The following CSMD3 variants were observed in gnomAD, a reference collection of about 807,000 sequenced individuals.
CSMD3 encodes CUB and sushi domain-containing protein 3.
Under a neutral mutation model 435.2 loss-of-function variants are expected in CSMD3, and 177 were observed. The ratio of observed to expected loss-of-function variants is 0.41; its 90% CI spans 0.36 to 0.46. The LOEUF is 0.46. Among genes scored for constraint, CSMD3 ranks in the 20% least tolerant of loss-of-function variants. CSMD3 has a pLI of 0.34. For missense variants in CSMD3, 4,265 were observed against 4,504.6 expected (o/e 0.95, Z 1.52); for synonymous variants, 1,656 against 1,520.5 (o/e 1.09, Z -2.07).
intron 14 of CSMD3, among the ~76,000 whole-genome samples, chr8:112,686,311 A>C (rs2076009364): frequency 6.6e-6 from 1 of 152,200 alleles, no homozygotes; most frequent in African/African-American, 2.4e-5. Flanking sequence ...CATCACACTA[A>C]AATGAAGTCT....
rs11774848 is a variant in CSMD3 at position 112,672,524 on chromosome 8, C to A, written c.2678-6109G>T. Among the ~76,000 whole-genome samples, 41 of 152,094 alleles carry A rather than the reference C, an allele frequency of 2.7e-4. No homozygotes were observed. The East Asian group carries it at 6.2e-3, about 23-fold the overall frequency. ...AAGACCCCCACCTGATCCCTCAGGT[C>A]CTTTTATTGGTTAGGTATGTGGACC... On this transcript the variant is annotated intron_variant, in intron 16 of 70. Transcript: ENST00000297405.
intron 59 of CSMD3, among the ~76,000 whole-genome samples, chr8:112,277,663 A>T (rs903231806): frequency 3.9e-5 from 6 of 152,190 alleles, no homozygotes; most frequent in Non-Finnish European, 5.9e-5. Context: ...TGAAAAAGAC[A>T]TACCCAAGAC....
chr8:112,472,707 G>A lies in CSMD3; in HGVS notation c.5279C>T (p.Ala1760Val), dbSNP rs761014904. ...GWNRALPSCH[A>V]PCGSRSTGSE... ...ACCTGTTGAACGACTTCCACAGGGC[G>A]CTAGGAAAAAATGGCAAAAATATCA... is the stretch of plus-strand genomic sequence containing the variant. The change falls in exon 32 of 71, where the codon GCG becomes GTG. Residue 1760 changes from alanine to valine, a missense_variant and splice_region_variant. Physicochemically the swap from Ala to Val is moderately conservative, Grantham distance 64. Coordinates refer to ENST00000297405, the MANE Select transcript of CSMD3 (RefSeq NM_198123.2). The A allele has an allele frequency of 8.9e-6, 14 of 1,579,130 alleles. No homozygotes were observed. The highest frequency in any genetic ancestry group is 5.0e-5 in the Admixed American group (3 of 59,858).
In CSMD3 at chr8:112,644,407, T is replaced by C. The variant is rs1385336481; in HGVS notation, c.3310+702A>G. 2.6e-5 allele frequency among the ~76,000 whole-genome samples: 4 copies of C among 152,014 alleles called. No homozygotes were observed. The South Asian group carries it at 8.3e-4, about 31-fold the overall frequency. On this transcript the variant is annotated intron_variant, in intron 20 of 70. Transcript: ENST00000297405. ...CAAAATTGTTTGTTATAGATTCCTA[T>C]AGGGATACATGTCATTCTTTACAGA...
At chr8:112,344,870 TA>T (rs1464556121) in intron 41 of CSMD3, among the ~76,000 whole-genome samples, 2 of 152,126 alleles carry the variant, frequency 1.3e-5, no homozygotes, top group African/African-American at 4.8e-5. Context: ...TACTACTTTT[TA>T]AAAATAAAAT....
intron 11 of CSMD3, among the ~76,000 whole-genome samples, chr8:112,832,823 T>G (rs573437945): frequency 6.6e-6 from 1 of 152,304 alleles, no homozygotes; most frequent in South Asian, 2.1e-4. Context: ...TTTGGGTAAT[T>G]TTTTACACAG....
chr8:113,347,410 T>C (rs1435459695), intron 1 of CSMD3, among the ~76,000 whole-genome samples: 2 of 152,164 alleles, frequency 1.3e-5, no homozygotes, highest in Admixed American at 1.3e-4. Context: ...AATAATACAT[T>C]GAAAGGCGTG....
chr8:112,538,166 C>T (rs996084480), intron 27 of CSMD3, among the ~76,000 whole-genome samples: 1 of 151,980 alleles, frequency 6.6e-6, no homozygotes, highest in African/African-American at 2.4e-5. Context: ...TAACAACTCT[C>T]AACAAACTGG....
chr8:112,530,315 CAAATA>C (rs1825398746), intron 27 of CSMD3, among the ~76,000 whole-genome samples: 1 of 151,960 alleles, frequency 6.6e-6, no homozygotes, highest in African/African-American at 2.4e-5. Flanking sequence ...CAAAGAACAC[CAAATA>C]AGAGTAACCT....
intron 7 of CSMD3, among the ~76,000 whole-genome samples, chr8:112,955,377 TTAC>T (rs1421957018): frequency 6.6e-6 from 1 of 151,736 alleles, no homozygotes; most frequent in Non-Finnish European, 1.5e-5. Flanking sequence ...CTAAAATATC[TTAC>T]TACAATTTTT....
chr8:113,122,677 C>T (rs138957825), intron 4 of CSMD3, among the ~76,000 whole-genome samples: 2 of 151,960 alleles, frequency 1.3e-5, no homozygotes, highest in African/African-American at 4.8e-5. Context: ...GAGGCAGCCT[C>T]CAGATGCTGG....
At chr8:112,785,578 T>C (rs1410812355) in intron 13 of CSMD3, among the ~76,000 whole-genome samples, 2 of 151,932 alleles carry the variant, frequency 1.3e-5, no homozygotes, top group East Asian at 1.9e-4. Context: ...GATAATAAAA[T>C]CAACAGGCAA....
At chr8:112,966,882 C>A (rs2084437223) in intron 7 of CSMD3, among the ~76,000 whole-genome samples, 2 of 151,858 alleles carry the variant, frequency 1.3e-5, no homozygotes, top group Admixed American at 1.3e-4. Context: ...TTAGTTTTTA[C>A]TATATTATCC....
intron 13 of CSMD3, among the ~76,000 whole-genome samples, chr8:112,755,476 C>G (rs1323962822): frequency 6.6e-6 from 1 of 151,556 alleles, no homozygotes. Context: ...CTTCTCCTTG[C>G]TGCCGCCATT....
chr8:113,008,026 C>A (rs1030524453), intron 6 of CSMD3, among the ~76,000 whole-genome samples: 2 of 150,816 alleles, frequency 1.3e-5, no homozygotes, highest in Non-Finnish European at 3.0e-5. Flanking sequence ...ACCTTTTTGG[C>A]GGGGAAAAGA....
chr8:112,972,829 T>A (rs2084706802), intron 7 of CSMD3, among the ~76,000 whole-genome samples: 1 of 151,958 alleles, frequency 6.6e-6, no homozygotes, highest in Non-Finnish European at 1.5e-5. Context: ...CTCAGAGAGC[T>A]TAAATTTTAC....
In CSMD3 at chr8:112,859,217, A is replaced by C; in HGVS notation, c.1683T>G (p.Ser561=). The C allele has an allele frequency of 2.5e-6, 4 of 1,611,210 alleles. No individual in the cohort carries two copies. The highest frequency in any genetic ancestry group is 3.4e-6 in the Non-Finnish European group (4 of 1,177,740). The change falls in exon 11 of 71, where the codon TCT becomes TCG. Residue 561 remains serine, a synonymous_variant. Coordinates refer to ENST00000297405, the MANE Select transcript of CSMD3 (RefSeq NM_198123.2). ...NLQGPSGTFT[S]PNFPFQYDSN... ...TGTCATACTGGAACGGAAAGTTGGG[A>C]GATGTAAAGGTACCACTTGGTCCTT... is the stretch of plus-strand genomic sequence containing the variant.
chr8:113,232,525 G>A (rs768478144), intron 3 of CSMD3, among the ~76,000 whole-genome samples: 1 of 151,688 alleles, frequency 6.6e-6, no homozygotes, highest in Non-Finnish European at 1.5e-5. Flanking sequence ...TGACAATGCT[G>A]CTGGTACTAT....
At chr8:113,356,681 T>C (rs2094231136) in intron 1 of CSMD3, among the ~76,000 whole-genome samples, 1 of 152,108 alleles carries the variant, frequency 6.6e-6, no homozygotes, top group Non-Finnish European at 1.5e-5. Flanking sequence ...TCAATGTAAA[T>C]ATTTTATCTA....
Sources: gnomAD v4.1 joint callset for allele counts (sites outside exome capture counted in the v4.1 genomes callset) on GRCh38, gnomAD v4.1.1 for gene constraint, MANE v1.5 for transcripts, NCBI Gene and HGNC (gene_info 2026-07-23, HGNC 2026-07-21) for gene names.